The following FAT3 variants were observed in gnomAD, a reference collection of about 807,000 sequenced individuals.
FAT3 encodes protocadherin Fat 3.
A neutral mutation model predicts 310.2 loss-of-function variants in FAT3; 95 were observed. That is an observed-to-expected ratio of 0.31 (90% CI 0.26 to 0.36). The LOEUF is 0.36. Among genes scored for constraint, FAT3 ranks in the 10% least tolerant of loss-of-function variants. The pLI is 1.00. For synonymous variants in FAT3, 2,314 were observed against 2,192.9 expected (o/e 1.06, Z -1.54); for missense variants, 5,408 against 5,715.6 (o/e 0.95, Z 1.74).
intron 1 of FAT3, among the ~76,000 whole-genome samples, chr11:92,287,821 T>C (rs1011204667): frequency 6.6e-6 from 1 of 152,136 alleles, no homozygotes; most frequent in Non-Finnish European, 1.5e-5. Flanking sequence ...GGTTCCCAGG[T>C]AGCAGCTCTT....
chr11:92,522,868 A>T (rs1953732076), intron 2 of FAT3, among the ~76,000 whole-genome samples: 1 of 152,134 alleles, frequency 6.6e-6, no homozygotes, highest in Non-Finnish European at 1.5e-5. Flanking sequence ...GTCTTCTCAT[A>T]AATATGTATG....
At chr11:92,588,080 C>G (rs1939240905) in intron 3 of FAT3, among the ~76,000 whole-genome samples, 1 of 151,946 alleles carries the variant, frequency 6.6e-6, no homozygotes. Context: ...TTGCTTCATC[C>G]TCAAGAGGTT....
chr11:92,447,391 G>A (rs1951246359), intron 2 of FAT3, among the ~76,000 whole-genome samples: 2 of 151,842 alleles, frequency 1.3e-5, no homozygotes, highest in African/African-American at 2.4e-5. Context: ...CCTGTAAGAT[G>A]AGAACAGTAA....
intron 2 of FAT3, among the ~76,000 whole-genome samples, chr11:92,369,330 G>A (rs541569154): frequency 2.6e-4 from 40 of 152,316 alleles, no homozygotes; most frequent in African/African-American, 9.1e-4. Context: ...ATTGCAGGAA[G>A]TGTTTGAGCT....
intron 2 of FAT3, among the ~76,000 whole-genome samples, chr11:92,409,544 G>A (rs1266151377): frequency 2.0e-5 from 3 of 152,082 alleles, no homozygotes; most frequent in Admixed American, 1.3e-4. Context: ...CATTCATCCT[G>A]TAGAGCACTT....
Position 92,677,200 on chromosome 11 carries a change from G to A in FAT3, c.3608-20184G>A, listed in dbSNP as rs181407817. On this transcript the variant is annotated intron_variant, in intron 3 of 27. Transcript: ENST00000525166. ...CTAGAGCTTTTTCCATTTTCTTTTG[G>A]TGCAGCCTCTCTTACCAAAAGCCAC... Among the ~76,000 whole-genome samples, 285 of 152,194 alleles carry A rather than the reference G, an allele frequency of 1.9e-3. 5 individuals carry two copies. Among genetic ancestry groups the A allele is most frequent in the Admixed American group, 0.018 (281 of 15,282 alleles).
At chr11:92,513,212 T>G (rs1192500173) in intron 2 of FAT3, among the ~76,000 whole-genome samples, 1 of 151,278 alleles carries the variant, frequency 6.6e-6, no homozygotes, top group East Asian at 1.9e-4. Context: ...TGTCCATATA[T>G]TTCAGACTGA....
At chr11:92,407,310 C>T (rs1950156121) in intron 2 of FAT3, among the ~76,000 whole-genome samples, 1 of 152,060 alleles carries the variant, frequency 6.6e-6, no homozygotes, top group Non-Finnish European at 1.5e-5. Flanking sequence ...AAGACTGGAG[C>T]TGCAGTAGTG....
intron 3 of FAT3, among the ~76,000 whole-genome samples, chr11:92,644,537 C>T (rs563139928): frequency 6.6e-6 from 1 of 152,318 alleles, no homozygotes; most frequent in African/African-American, 2.4e-5. Flanking sequence ...AAAATGTTCA[C>T]TTCCTAACAC....
chr11:92,255,384 C>T (rs979883245), intron 1 of FAT3, among the ~76,000 whole-genome samples: 1 of 149,878 alleles, frequency 6.7e-6, no homozygotes, highest in African/African-American at 2.5e-5. Flanking sequence ...TTACAAATAC[C>T]TCGTGGGCAG....
At chr11:92,425,368 A>G (rs1051308529) in intron 2 of FAT3, among the ~76,000 whole-genome samples, 1 of 151,980 alleles carries the variant, frequency 6.6e-6, no homozygotes, top group Non-Finnish European at 1.5e-5. Context: ...AGTAGCAACA[A>G]AAAGCCACTT....
chr11:92,804,762 G>T (rs1314646424), intron 10 of FAT3, among the ~76,000 whole-genome samples: 1 of 152,168 alleles, frequency 6.6e-6, no homozygotes, highest in Non-Finnish European at 1.5e-5. Flanking sequence ...AACGGCTAAT[G>T]AAATTGTCTT....
At chr11:92,692,237 A>G (rs1337725917) in intron 3 of FAT3, among the ~76,000 whole-genome samples, 1 of 152,200 alleles carries the variant, frequency 6.6e-6, no homozygotes, top group Non-Finnish European at 1.5e-5. Flanking sequence ...CATGCATTGG[A>G]ACCATTATGG....
intron 3 of FAT3, among the ~76,000 whole-genome samples, chr11:92,675,430 C>A (rs1159541902): frequency 1.3e-5 from 2 of 152,108 alleles, no homozygotes; most frequent in Non-Finnish European, 2.9e-5. Context: ...AAAGCATACC[C>A]AAGAGGCTCC....
chr11:92,391,115 G>A (rs1240744042), intron 2 of FAT3, among the ~76,000 whole-genome samples: 2 of 152,170 alleles, frequency 1.3e-5, no homozygotes, highest in Non-Finnish European at 2.9e-5. Context: ...CTAAGGCTGT[G>A]TAACTGAGAA....
rs1349185546 is a variant in FAT3 at position 92,790,193 on chromosome 11, A to G, written c.4586A>G (p.Gln1529Arg). ...YTAERLDHEA[Q>R]DKHILNIMVR... ...GCCGAGAGGCTGGACCATGAGGCCC[A>G]GGACAAGCACATTCTCAACATAATG... The change falls in exon 8 of 28, where the codon CAG becomes CGG. Residue 1529 changes from glutamine (Q) to arginine (R), a missense_variant. This residue lies in a region of FAT3 where 4,588 missense variants were observed against 4,809.8 expected (regional missense o/e 0.95). Coordinates refer to ENST00000525166, the MANE Select transcript of FAT3 (RefSeq NM_001367949.2). 5.0e-6 allele frequency: 8 copies of G among 1,613,574 alleles called. No homozygotes were observed. The highest frequency in any genetic ancestry group is 6.8e-6 in the Non-Finnish European group (8 of 1,179,654).
intron 3 of FAT3, among the ~76,000 whole-genome samples, chr11:92,574,172 C>G (rs1472867198): frequency 1.3e-5 from 2 of 152,146 alleles, no homozygotes; most frequent in Non-Finnish European, 2.9e-5. Flanking sequence ...CCCCACACAT[C>G]TGTTTAGAAG....
rs1310035785 is a variant in FAT3 at position 92,524,722 on chromosome 11, A to T, written c.3381A>T (p.Pro1127=). 1 of 1,613,438 alleles carries T rather than the reference A, an allele frequency of 6.2e-7. No homozygotes were observed. Among genetic ancestry groups the T allele is most frequent in the Non-Finnish European group, 8.5e-7 (1 of 1,179,774 alleles). Residue 1127 remains proline (P), a synonymous_variant, in exon 3 of 28, where the codon CCA becomes CCT. Coordinates refer to ENST00000525166, the MANE Select transcript of FAT3 (RefSeq NM_001367949.2). The stretch of plus-strand genomic sequence containing the variant: ...ATGCCACAGACAGGGGCGTTGTTCC[A>T]CTCTACTCCACCATTGAGGTCTACA... ...TVYATDRGVV[P]LYSTIEVYIE...
At position 92,697,516 on chromosome 11, in the gene FAT3, A is replaced by G; in HGVS notation, c.3669+71A>G. ...TAAACTTCTTTAACCTTCAACATAA[A>G]CTACACCTTCAATATATTTGAACAG... On this transcript the variant is annotated intron_variant, in intron 4 of 27. Coordinates refer to ENST00000525166, the MANE Select transcript of FAT3 (RefSeq NM_001367949.2). The G allele has an allele frequency of 2.2e-6, 3 of 1,355,500 alleles. No homozygotes were observed. The South Asian group carries it at 3.5e-5, about 16-fold the overall frequency. The allele number at this position is 1,355,500 out of a possible 1,614,324, so 84.0% of individuals were successfully genotyped here.
Sources: gnomAD v4.1 joint callset for allele counts (sites outside exome capture counted in the v4.1 genomes callset) on GRCh38, gnomAD v4.1.1 for gene constraint, gnomAD v4.1.1 regional missense constraint, MANE v1.5 for transcripts, NCBI Gene and HGNC (gene_info 2026-07-23, HGNC 2026-07-21) for gene names.